GTSE1: variants seen among roughly 807,000 people sequenced by gnomAD.
GTSE1 encodes G2 and S phase-expressed protein 1.
In GTSE1, 52 loss-of-function variants were observed where a neutral mutation model predicts 60.5. The observed-to-expected ratio is 0.86, with a 90% confidence interval of 0.69 to 1.08. GTSE1 has a LOEUF of 1.08. Among genes scored for constraint, GTSE1 ranks in the 50% least tolerant of loss-of-function variants. The pLI, the probability that GTSE1 is intolerant of heterozygous loss-of-function variation, is 0.00. For synonymous variants in GTSE1, 368 were observed against 386.5 expected (o/e 0.95, Z 0.56); for missense variants, 937 against 961.8 (o/e 0.97, Z 0.34).
rs566204569 is a variant in GTSE1, at chr22:46,316,044, A to G, written c.1064A>G (p.Glu355Gly). The stretch of plus-strand genomic sequence containing the variant: ...GTATACCTTCTAGCTAAATCAAGTG[A>G]ATTTGCAAGTATTCCTGCAAATAGC... Reference protein sequence around the residue: ...SPAVGKAKSSEFASIPANSSR... With the variant: ...SPAVGKAKSSGFASIPANSSR... Residue 355 changes from glutamate to glycine, a missense_variant, in exon 7 of 12, where the codon GAA becomes GGA. Transcript: ENST00000454366. The surrounding 1 kb of genome is among the most constrained non-coding windows in gnomAD (Gnocchi z 5.0). 2.0e-6 allele frequency: 3 copies of G among 1,511,670 alleles called. No homozygotes were observed. Among genetic ancestry groups the G allele is most frequent in the East Asian group, 4.6e-5 (2 of 43,774 alleles). The allele number at this position is 1,511,670 out of a possible 1,614,324, so 93.6% of individuals were successfully genotyped here.
rs563530237 is a variant in GTSE1, at chr22:46,314,204, G to T, written c.1051+191G>T. ...GCCCTCAGTGCCTCTGTCCCATGAGGAGGGCACACTCAGATGGGTGGCTTC... is the reference window on the plus strand; with the variant it reads ...GCCCTCAGTGCCTCTGTCCCATGAGTAGGGCACACTCAGATGGGTGGCTTC... On this transcript the variant is annotated intron_variant, in intron 6 of 11. Coordinates refer to ENST00000454366, the MANE Select transcript of GTSE1 (RefSeq NM_016426.7). This position sits in a 1 kb window ranked among gnomAD's most constrained non-coding sequence, Gnocchi z 7.1. Among the ~76,000 whole-genome samples, 1 of 152,354 alleles carries T rather than the reference G, an allele frequency of 6.6e-6. No individual in the cohort carries two copies. Among genetic ancestry groups the T allele is most frequent in the Non-Finnish European group, 1.5e-5 (1 of 68,042 alleles).
chr22:46,317,853 G>A lies in GTSE1; in HGVS notation c.1432+1441G>A, dbSNP rs947113574. On this transcript the variant is annotated intron_variant, in intron 7 of 11. Transcript: ENST00000454366. This position sits in a 1 kb window ranked among gnomAD's most constrained non-coding sequence, Gnocchi z 5.6. Reference sequence around the variant, plus strand: ...CTTCTCGGCCCTGTGAGCTCCGCTCGTTGCTCCCTGGTAAGACGGCGGTTT... The same window carrying A: ...CTTCTCGGCCCTGTGAGCTCCGCTCATTGCTCCCTGGTAAGACGGCGGTTT... 5.9e-5 allele frequency among the ~76,000 whole-genome samples: 9 copies of A among 151,996 alleles called. No homozygotes were observed. Among genetic ancestry groups the A allele is most frequent in the Non-Finnish European group, 8.8e-5 (6 of 67,968 alleles).
In GTSE1 at chr22:46,297,640, C is replaced by T. The variant is rs1288623259; in HGVS notation, c.79+161C>T. 6.6e-6 allele frequency among the ~76,000 whole-genome samples: 1 copy of T among 152,166 alleles called. No homozygotes were observed. Among genetic ancestry groups the T allele is most frequent in the African/African-American group, 2.4e-5 (1 of 41,438 alleles). ...CCTTCGTTTTCTGGTTTTCTTTCAC[C>T]TCCTCCCCATTTTAAGTTTCATCAC... On this transcript the variant is annotated intron_variant, in intron 2 of 11. Coordinates refer to ENST00000454366, the MANE Select transcript of GTSE1 (RefSeq NM_016426.7). The surrounding 1 kb of genome is among the most constrained non-coding windows in gnomAD (Gnocchi z 4.9).
In GTSE1 at chr22:46,310,415, A is replaced by G. The variant is rs1286765550; in HGVS notation, c.762+1472A>G. 2.0e-5 allele frequency among the ~76,000 whole-genome samples: 3 copies of G among 152,180 alleles called. No individual in the cohort carries two copies. Among genetic ancestry groups the G allele is most frequent in the African/African-American group, 4.8e-5 (2 of 41,442 alleles). Reference sequence around the variant, plus strand: ...TGGAAACAGTTTGGCAGCTCCTCAAAAAAATAAATGTAGAGGGTCCCATGG... The same window carrying G: ...TGGAAACAGTTTGGCAGCTCCTCAAGAAAATAAATGTAGAGGGTCCCATGG... On this transcript the variant is annotated intron_variant, in intron 4 of 11. Coordinates refer to ENST00000454366, the MANE Select transcript of GTSE1 (RefSeq NM_016426.7). The surrounding 1 kb of genome is among the most constrained non-coding windows in gnomAD (Gnocchi z 4.4).
In GTSE1 at chr22:46,314,641, C is replaced by T. The variant is rs992734484; in HGVS notation, c.1051+628C>T. Among the ~76,000 whole-genome samples the T allele has an allele frequency of 2.0e-5, 3 of 152,036 alleles. No individual in the cohort carries two copies. Among genetic ancestry groups the T allele is most frequent in the African/African-American group, 7.2e-5 (3 of 41,420 alleles). The stretch of plus-strand genomic sequence containing the variant: ...CTGTGATCCCAGCACTTTGGCAGGC[C>T]AAGATGGGTGGATCGCTTGACCCCT... On this transcript the variant is annotated intron_variant, in intron 6 of 11. Transcript: ENST00000454366. This position sits in a 1 kb window ranked among gnomAD's most constrained non-coding sequence, Gnocchi z 7.1.
rs1035081310 is a variant in GTSE1, at chr22:46,313,433, T to C, written c.928-457T>C. ...TTGAAGACTACACTTTGAGAAGTGCTGCTTGACTTTTTTCTTCTTTAAATT... is the reference window on the plus strand; with the variant it reads ...TTGAAGACTACACTTTGAGAAGTGCCGCTTGACTTTTTTCTTCTTTAAATT... On this transcript the variant is annotated intron_variant, in intron 5 of 11. Coordinates refer to ENST00000454366, the MANE Select transcript of GTSE1 (RefSeq NM_016426.7). The surrounding 1 kb of genome is among the most constrained non-coding windows in gnomAD (Gnocchi z 4.4). 1.3e-5 allele frequency among the ~76,000 whole-genome samples: 2 copies of C among 152,232 alleles called. No individual in the cohort carries two copies. The highest frequency in any genetic ancestry group is 2.9e-5 in the Non-Finnish European group (2 of 68,048).
chr22:46,328,728 A>G lies in GTSE1; in HGVS notation c.1765A>G (p.Arg589Gly). Residue 589 changes from arginine (R) to glycine (G), a missense_variant, in exon 10 of 12, where the codon AGG (arginine) becomes GGG (glycine). Transcript: ENST00000454366. Reference sequence around the variant, plus strand: ...GGAGAGCAACAGAAAGACAGATTCCAGGCTGGTGGATGTGTCCCCTGACAG... The same window carrying G: ...GGAGAGCAACAGAAAGACAGATTCCGGGCTGGTGGATGTGTCCCCTGACAG... ...TRESNRKTDSRLVDVSPDRGS... is the reference protein window; with the variant it reads ...TRESNRKTDSGLVDVSPDRGS... 6.2e-7 allele frequency: 1 copy of G among 1,614,056 alleles called. No individual in the cohort carries two copies.
At chr22:46,325,904 G>C (rs1265436335) in intron 8 of GTSE1, among the ~76,000 whole-genome samples, 2 of 152,252 alleles carry the variant, frequency 1.3e-5, no homozygotes, top group East Asian at 1.9e-4. Context: ...TGCCAGGGAC[G>C]TGAGGGGTGT....
intron 7 of GTSE1, among the ~76,000 whole-genome samples, chr22:46,322,295 G>A (rs973404304): frequency 6.6e-6 from 1 of 152,142 alleles, no homozygotes; most frequent in African/African-American, 2.4e-5. Context: ...CTGGACCCTC[G>A]CCTGGCCTCC....
chr22:46,315,164 T>A (rs1000554260), intron 6 of GTSE1, among the ~76,000 whole-genome samples: 3 of 151,886 alleles, frequency 2.0e-5, no homozygotes, highest in African/African-American at 7.3e-5. Context: ...GTTCGAGTGA[T>A]TCTCCTGCCT....
chr22:46,312,051 G>T, intron 4 of GTSE1, 90 bp from the exon 5 acceptor site: 1 of 1,081,146 alleles, frequency 9.2e-7, no homozygotes. Flanking sequence ...GGGGAAGATG[G>T]GGCCTAGGCT....
chr22:46,312,839 T>A (rs1008248024), intron 5 of GTSE1, among the ~76,000 whole-genome samples: 1 of 151,860 alleles, frequency 6.6e-6, no homozygotes, highest in African/African-American at 2.4e-5. Flanking sequence ...CATGTAGAGT[T>A]CTTGAACAGA....
intron 2 of GTSE1, among the ~76,000 whole-genome samples, chr22:46,307,932 C>T (rs1052169307): frequency 2.1e-4 from 32 of 151,988 alleles, no homozygotes; most frequent in African/African-American, 2.4e-4. Flanking sequence ...GTCAACATAG[C>T]GAGACTTCGT....
At chr22:46,308,991 C>T (rs747530341) in intron 4 of GTSE1, 48 bp downstream of exon 4, 13 of 1,547,324 alleles carry the variant, frequency 8.4e-6, no homozygotes, top group Non-Finnish European at 1.1e-5. Flanking sequence ...CACTCCTTGC[C>T]CCTCAGCCCT....
intron 2 of GTSE1, among the ~76,000 whole-genome samples, chr22:46,307,788 A>G (rs34334106): frequency 1.3e-5 from 2 of 149,646 alleles, no homozygotes; most frequent in African/African-American, 4.9e-5. Context: ...GGCATAAGCC[A>G]CCGCCCCCAG....
intron 2 of GTSE1, among the ~76,000 whole-genome samples, chr22:46,303,067 T>C (rs542457744): frequency 6.6e-6 from 1 of 151,978 alleles, no homozygotes; most frequent in East Asian, 1.9e-4. Flanking sequence ...ACCCGGCTAA[T>C]TTTTTGTATT....
intron 6 of GTSE1, among the ~76,000 whole-genome samples, chr22:46,315,334 G>A (rs1349078904): frequency 1.3e-5 from 2 of 152,192 alleles, no homozygotes; most frequent in Non-Finnish European, 2.9e-5. Context: ...TAGGATTACA[G>A]GCACGAGCCA....
Position 46,312,280 on chromosome 22 carries a change from A to C in GTSE1, c.902A>C (p.Lys301Thr), listed in dbSNP as rs768029048. The change falls in exon 5 of 12, where the codon AAG becomes ACG. Residue 301 changes from lysine to threonine, a missense_variant. By Grantham distance (78) the Lys-to-Thr change is moderately conservative. Transcript: ENST00000454366. Reference sequence around the variant, plus strand: ...GCCGGAAGCCACTTGGGCCAGGGCAAGCGGGCGATCCCTGTTCCAAACAAG... The same window carrying C: ...GCCGGAAGCCACTTGGGCCAGGGCACGCGGGCGATCCCTGTTCCAAACAAG... ...PAAGSHLGQG[K>T]RAIPVPNKLG... 1.2e-6 allele frequency: 2 copies of C among 1,613,574 alleles called. No homozygotes were observed. Among genetic ancestry groups the C allele is most frequent in the East Asian group, 4.5e-5 (2 of 44,872 alleles).
chr22:46,302,895 C>CTT (rs34051708), intron 2 of GTSE1, among the ~76,000 whole-genome samples: 202 of 131,366 alleles, frequency 1.5e-3, no homozygotes, highest in South Asian at 2.6e-3. Flanking sequence ...CACTTTCCCT[C>CTT]TTTTTTTTTT....
Sources: allele counts gnomAD v4.1 joint callset (sites outside exome capture counted in the v4.1 genomes callset), GRCh38; gene constraint gnomAD v4.1.1; non-coding constraint Gnocchi (gnomAD v3.1); transcripts MANE v1.5; gene names NCBI Gene and HGNC (gene_info 2026-07-23, HGNC 2026-07-21).